EYA2: variants seen among roughly 807,000 people sequenced by gnomAD.
The protein encoded by EYA2 is protein phosphatase EYA2.
Under a neutral mutation model 69.2 loss-of-function variants are expected in EYA2, and 31 were observed. The observed-to-expected ratio is 0.45, with a 90% CI of 0.34 to 0.60. The LOEUF (loss-of-function observed/expected upper bound fraction) is 0.60. Ranked by LOEUF, EYA2 falls within the 20% of genes least tolerant of loss-of-function variation. The pLI, the probability that EYA2 is intolerant of heterozygous loss-of-function variation, is 0.02. For missense variants in EYA2, 622 were observed against 701.2 expected, an observed-to-expected ratio of 0.89 and a Z score of 1.28; for synonymous variants, 257 against 279.4, an observed-to-expected ratio of 0.92 and a Z score of 0.80.
chr20:47,066,973 G>A (rs116031854), intron 5 of EYA2, among the ~76,000 whole-genome samples: 3,005 of 152,212 alleles, frequency 0.02, 100 homozygotes, highest in African/African-American at 0.068. Context: ...CAGGGGCCAC[G>A]TGCCCCCTTC....
rs114823902 is a variant in EYA2 at position 46,913,237 on chromosome 20, G to T, written c.-11+18250G>T. ...CTGCAGCACATCACTGGCAGGCAAG[G>T]CCTCCCTGAAACTATCTGGCAGAAG... On this transcript the variant is annotated intron_variant, in intron 1 of 15. Transcript: ENST00000327619. Among the ~76,000 whole-genome samples the T allele has an allele frequency of 4.9e-3, 748 of 152,306 alleles. 7 individuals carry two copies. Among genetic ancestry groups the T allele is most frequent in the African/African-American group, 0.017 (715 of 41,576 alleles).
intron 2 of EYA2, among the ~76,000 whole-genome samples, chr20:46,996,651 C>A (rs1441751055): frequency 6.6e-6 from 1 of 152,186 alleles, no homozygotes; most frequent in East Asian, 1.9e-4. Context: ...AAGACAGGGA[C>A]CCTGACTGCC....
At chr20:47,103,471 A>G (rs2032485602) in intron 9 of EYA2, among the ~76,000 whole-genome samples, 1 of 152,250 alleles carries the variant, frequency 6.6e-6, no homozygotes, top group African/African-American at 2.4e-5. Flanking sequence ...CAAATATTCA[A>G]GACTGGGTAA....
In EYA2 at chr20:47,055,821, G is replaced by A. The variant is rs145090175; in HGVS notation, c.416-16364G>A. On this transcript the variant is annotated intron_variant, in intron 5 of 15. Coordinates refer to ENST00000327619, the MANE Select transcript of EYA2 (RefSeq NM_005244.5). ...AACATAAATATTCAGTCCAGCATGT[G>A]CTCAGAGTAGCCCCACTGTCCTGCA... Among the ~76,000 whole-genome samples, 783 of 152,266 alleles carry A rather than the reference G, an allele frequency of 5.1e-3. 7 individuals are homozygous for A. The highest frequency in any genetic ancestry group is 0.018 in the African/African-American group (732 of 41,538).
intron 1 of EYA2, among the ~76,000 whole-genome samples, chr20:46,977,238 C>A (rs1172479016): frequency 1.3e-5 from 2 of 152,166 alleles, no homozygotes; most frequent in Admixed American, 6.5e-5. Flanking sequence ...GGAGGTAGTG[C>A]CCCAATGTGG....
chr20:46,895,768 A>T (rs1437886679), intron 1 of EYA2, among the ~76,000 whole-genome samples: 1 of 152,146 alleles, frequency 6.6e-6, no homozygotes, highest in Non-Finnish European at 1.5e-5. Context: ...CCCCAGCAAT[A>T]AATAGTTTAT....
chr20:47,061,321 G>T (rs1265089738), intron 5 of EYA2, among the ~76,000 whole-genome samples: 1 of 152,088 alleles, frequency 6.6e-6, no homozygotes, highest in Non-Finnish European at 1.5e-5. Context: ...GAGTCCAGGA[G>T]TTTGACACCA....
intron 1 of EYA2, among the ~76,000 whole-genome samples, chr20:46,942,834 C>T (rs1167102261): frequency 1.3e-5 from 2 of 152,214 alleles, no homozygotes; most frequent in African/African-American, 2.4e-5. Flanking sequence ...GGCACGATCT[C>T]GGCTCACTAC....
At chr20:47,011,912 G>A (rs1321734200) in intron 4 of EYA2, among the ~76,000 whole-genome samples, 1 of 152,188 alleles carries the variant, frequency 6.6e-6, no homozygotes, top group Non-Finnish European at 1.5e-5. Flanking sequence ...AGTGTGTGCC[G>A]CTGAGTGTGC....
chr20:47,188,466 C>A lies in EYA2; in HGVS notation c.*333C>A. 2 of 541,696 alleles carry A rather than the reference C, an allele frequency of 3.7e-6. No homozygotes were observed. Among genetic ancestry groups the A allele is most frequent in the Middle Eastern group, 4.8e-4 (1 of 2,104 alleles). 33.6% of individuals were successfully genotyped at this position (541,696 alleles called of 1,614,324 possible). ...TGAGGAGGGGATGGGTTTGTCTTGT[C>A]TTCTTTTTAATTTATGGACTAGTCT... On this transcript the variant is annotated 3_prime_UTR_variant, in exon 16 of 16. Coordinates refer to ENST00000327619, the MANE Select transcript of EYA2 (RefSeq NM_005244.5).
chr20:46,909,907 T>G (rs914237389), intron 1 of EYA2, among the ~76,000 whole-genome samples: 2 of 151,710 alleles, frequency 1.3e-5, no homozygotes, highest in Admixed American at 6.5e-5. Context: ...CATGTTTTAC[T>G]TTTCTCCTCA....
intron 10 of EYA2, among the ~76,000 whole-genome samples, chr20:47,146,820 T>C (rs943798516): frequency 1.3e-5 from 2 of 152,166 alleles, no homozygotes; most frequent in Non-Finnish European, 2.9e-5. Flanking sequence ...GGCTTACCAT[T>C]TGCCAGGCCC....
chr20:47,061,742 C>T (rs995707149), intron 5 of EYA2, among the ~76,000 whole-genome samples: 2 of 152,206 alleles, frequency 1.3e-5, no homozygotes, highest in Non-Finnish European at 2.9e-5. Context: ...ACGCTCATCT[C>T]ATTGCAGAGG....
At chr20:47,021,650 G>T (rs1336872536) in intron 5 of EYA2, among the ~76,000 whole-genome samples, 1 of 134,164 alleles carries the variant, frequency 7.5e-6, no homozygotes. Flanking sequence ...AAAAAGGCAA[G>T]AAAACAGTGG....
At chr20:47,087,265 A>G (rs1402213892) in intron 7 of EYA2, among the ~76,000 whole-genome samples, 1 of 152,232 alleles carries the variant, frequency 6.6e-6, no homozygotes, top group Non-Finnish European at 1.5e-5. Flanking sequence ...CTCCCTAGCC[A>G]AGTCTTTTTA....
chr20:47,117,202 G>A (rs971510459), intron 9 of EYA2, among the ~76,000 whole-genome samples: 1 of 151,962 alleles, frequency 6.6e-6, no homozygotes, highest in Non-Finnish European at 1.5e-5. Flanking sequence ...TAGTAAAGAC[G>A]GGGTTTCACG....
chr20:47,091,351 C>G (rs543064848), intron 8 of EYA2, among the ~76,000 whole-genome samples: 1 of 152,274 alleles, frequency 6.6e-6, no homozygotes, highest in South Asian at 2.1e-4. Flanking sequence ...CAGCCACTCT[C>G]TGGTGTTTCC....
chr20:47,142,911 T>C, intron 9 of EYA2, 148 bp from the exon 10 acceptor site: 1 of 532,806 alleles, frequency 1.9e-6, no homozygotes. Flanking sequence ...CACACCGGCC[T>C]CACACAGAGA....
At chr20:47,077,622 A>C (rs2031564699) in intron 7 of EYA2, among the ~76,000 whole-genome samples, 1 of 152,180 alleles carries the variant, frequency 6.6e-6, no homozygotes. Context: ...TAAATTTTCC[A>C]TCACTGGGAA....
Sources: allele counts gnomAD v4.1 joint callset (sites outside exome capture counted in the v4.1 genomes callset), GRCh38; gene constraint gnomAD v4.1.1; transcripts MANE v1.5; gene names NCBI Gene and HGNC (gene_info 2026-07-23, HGNC 2026-07-21).